The following MAP7D2 variants were observed in gnomAD, a reference collection of about 807,000 sequenced individuals.
MAP7D2 encodes the protein MAP7 domain containing 2, also known as MAP7 domain-containing protein 2.
MAP7D2 carries 33 observed loss-of-function variants against 63.5 expected under a neutral mutation model. That is an observed-to-expected ratio of 0.52 (90% CI 0.39 to 0.70). The LOEUF (loss-of-function observed/expected upper bound fraction) is 0.70. MAP7D2 is among the 30% of genes least tolerant of loss of function. The pLI is 0.00. For synonymous variants in MAP7D2, 224 were observed against 223.7 expected (o/e 1.00, Z -0.01); for missense variants, 626 against 604.0 (o/e 1.04, Z -0.38).
In MAP7D2 at chrX:20,068,933, A is replaced by G. The variant is rs761659418; in HGVS notation, c.131-4128T>C. Reference sequence around the variant, plus strand: ...TTATTTCTGCGTTTGCATCTTCCTCATTTTCTCTTGCCGCTGCCATGTAAG... The same window carrying G: ...TTATTTCTGCGTTTGCATCTTCCTCGTTTTCTCTTGCCGCTGCCATGTAAG... On this transcript the variant is annotated intron_variant, in intron 1 of 16. Coordinates refer to ENST00000379643, the MANE Select transcript of MAP7D2 (RefSeq NM_001168465.2). Among the ~76,000 whole-genome samples the G allele has an allele frequency of 2.5e-4, 28 of 110,946 alleles. 1 individual carries two copies. The highest frequency in any genetic ancestry group is 7.6e-5 in the Non-Finnish European group (4 of 52,927).
In MAP7D2 at chrX:20,032,648, C is replaced by G. The variant is rs2074087538; in HGVS notation, c.1008-6696G>C. 3.6e-5 allele frequency among the ~76,000 whole-genome samples: 4 copies of G among 112,147 alleles called. No homozygotes were observed. The Admixed American group carries it at 3.8e-4, about 11-fold the overall frequency. On this transcript the variant is annotated intron_variant, in intron 8 of 16. Transcript: ENST00000379643. ...TAGGTCCCTGAAACAAAACTGATCTCAGCTATGATCTACCTCTGGAAGTGA... is the reference window on the plus strand; with the variant it reads ...TAGGTCCCTGAAACAAAACTGATCTGAGCTATGATCTACCTCTGGAAGTGA...
intron 1 of MAP7D2, among the ~76,000 whole-genome samples, chrX:20,096,444 A>G (rs1433472050): frequency 9.3e-6 from 1 of 107,208 alleles, no homozygotes; most frequent in Admixed American, 1.0e-4. Context: ...AAAAAAAAAA[A>G]AAAAGAAAAA....
At chrX:20,085,870 C>G (rs771429553) in intron 1 of MAP7D2, among the ~76,000 whole-genome samples, 30 of 111,380 alleles carry the variant, frequency 2.7e-4, no homozygotes, top group Admixed American at 7.6e-4. Flanking sequence ...CGCCAACATG[C>G]CCAGCTAATT....
chrX:20,027,456 C>A (rs2073889916), intron 8 of MAP7D2, among the ~76,000 whole-genome samples: 1 of 111,819 alleles, frequency 8.9e-6, no homozygotes, highest in Non-Finnish European at 1.9e-5. Flanking sequence ...CTTCCTCAAC[C>A]TGGCATCACT....
At chrX:20,104,461 C>T (rs1448235608) in intron 1 of MAP7D2, among the ~76,000 whole-genome samples, 1 of 111,575 alleles carries the variant, frequency 9.0e-6, no homozygotes, top group East Asian at 2.8e-4. Flanking sequence ...CCACCACACC[C>T]GGCTAATTTT....
chrX:20,079,523 C>G (rs191192821), intron 1 of MAP7D2, among the ~76,000 whole-genome samples: 1 of 111,782 alleles, frequency 8.9e-6, no homozygotes, highest in East Asian at 2.8e-4. Context: ...ATTGGATTTT[C>G]TCCCCATTCA....
intron 10 of MAP7D2, among the ~76,000 whole-genome samples, chrX:20,019,509 C>G (rs1024822284): frequency 8.9e-6 from 1 of 111,866 alleles, no homozygotes; most frequent in African/African-American, 3.3e-5. Flanking sequence ...CATATATTGG[C>G]TCCTGTCTGT....
chrX:20,017,961 TTC>T (rs1199948582), intron 10 of MAP7D2, among the ~76,000 whole-genome samples: 1 of 94,676 alleles, frequency 1.1e-5, no homozygotes, highest in East Asian at 2.9e-4. Flanking sequence ...TGAAAATCCA[TTC>T]TCTTTTTTTT....
chrX:20,030,582 C>G (rs746250167), intron 8 of MAP7D2, among the ~76,000 whole-genome samples: 1 of 111,374 alleles, frequency 9.0e-6, no homozygotes, highest in Non-Finnish European at 1.9e-5. Flanking sequence ...AAAGTGGAAC[C>G]CCCAAAAGAC....
At chrX:20,033,857 G>GT (rs1393275704) in intron 8 of MAP7D2, among the ~76,000 whole-genome samples, 1 of 112,118 alleles carries the variant, frequency 8.9e-6, no homozygotes, top group Non-Finnish European at 1.9e-5. Context: ...TAAAAATCAA[G>GT]TAAGTCTTTT....
chrX:20,035,705 A>G (rs1325270314), intron 8 of MAP7D2, among the ~76,000 whole-genome samples: 2 of 110,171 alleles, frequency 1.8e-5, no homozygotes, highest in African/African-American at 6.6e-5. Context: ...CCTGGCTAAC[A>G]TGGTGAAACC....
At chrX:20,069,658 T>C (rs768616308) in intron 1 of MAP7D2, among the ~76,000 whole-genome samples, 34 of 111,367 alleles carry the variant, frequency 3.1e-4, no homozygotes, top group Non-Finnish European at 5.1e-4. Context: ...CATCATGAAA[T>C]GTACTCTGTC....
At chrX:20,097,527 C>G (rs1412290403) in intron 1 of MAP7D2, among the ~76,000 whole-genome samples, 1 of 112,079 alleles carries the variant, frequency 8.9e-6, no homozygotes. Context: ...GGATAAGAGA[C>G]TTTGACATAC....
chrX:20,114,231 C>G (rs1209207900), intron 1 of MAP7D2, among the ~76,000 whole-genome samples: 1 of 112,155 alleles, frequency 8.9e-6, no homozygotes, highest in African/African-American at 3.2e-5. Flanking sequence ...TAGGGTTTCA[C>G]CATGTTAGCC....
At chrX:20,011,275 GA>G (rs11326172) in intron 15 of MAP7D2, among the ~76,000 whole-genome samples, 3,103 of 111,733 alleles carry the variant, frequency 0.028, 105 homozygotes, top group African/African-American at 0.096. Flanking sequence ...CAGGGAAGCA[GA>G]TTGAGCAGGG....
intron 1 of MAP7D2, among the ~76,000 whole-genome samples, chrX:20,084,940 C>T (rs938536170): frequency 1.8e-5 from 2 of 111,443 alleles, no homozygotes; most frequent in Non-Finnish European, 3.8e-5. Context: ...ATAAACTGCA[C>T]CAACCTTCCT....
chrX:20,037,016 C>T (rs372523371), intron 8 of MAP7D2, among the ~76,000 whole-genome samples: 15 of 109,743 alleles, frequency 1.4e-4, no homozygotes, highest in Non-Finnish European at 2.5e-4. Context: ...CCAAAACCAA[C>T]GAAAGAACTC....
intron 1 of MAP7D2, among the ~76,000 whole-genome samples, chrX:20,109,653 T>G (rs1171914234): frequency 9.0e-6 from 1 of 111,063 alleles, no homozygotes; most frequent in Admixed American, 9.6e-5. Context: ...ATCTCTCACC[T>G]CTCGCTGAAT....
At chrX:20,097,095 A>G (rs2066291002) in intron 1 of MAP7D2, among the ~76,000 whole-genome samples, 1 of 111,591 alleles carries the variant, frequency 9.0e-6, no homozygotes, top group Admixed American at 9.5e-5. Flanking sequence ...AATTTTTTGC[A>G]ATGACAGAAG....
Sources: allele counts gnomAD v4.1 joint callset (sites outside exome capture counted in the v4.1 genomes callset), GRCh38; gene constraint gnomAD v4.1.1; transcripts MANE v1.5; gene names NCBI Gene and HGNC (gene_info 2026-07-23, HGNC 2026-07-21).